The following PTPN13 variants were observed in gnomAD, a reference collection of about 807,000 sequenced individuals.
PTPN13 encodes the protein tyrosine-protein phosphatase non-receptor type 13.
In PTPN13, 191 loss-of-function variants were observed where a neutral mutation model predicts 284.0. The observed-to-expected ratio is 0.67, with a 90% CI of 0.60 to 0.76. The LOEUF is 0.76. Among genes scored for constraint, PTPN13 ranks in the 30% least tolerant of loss-of-function variants. PTPN13 has a pLI of 0.00. For missense variants in PTPN13, 2,797 were observed against 2,939.9 expected (o/e 0.95, Z 1.12); for synonymous variants, 986 against 1,022.3 (o/e 0.96, Z 0.68).
intron 15 of PTPN13, among the ~76,000 whole-genome samples, chr4:86,741,104 C>T (rs1020579620): frequency 1.3e-5 from 2 of 152,160 alleles, no homozygotes; most frequent in African/African-American, 4.8e-5. Flanking sequence ...CCACATTTTC[C>T]TGTCTTCTTC....
At chr4:86,609,672 A>C (rs1297493351) in intron 1 of PTPN13, among the ~76,000 whole-genome samples, 1 of 152,160 alleles carries the variant, frequency 6.6e-6, no homozygotes, top group East Asian at 1.9e-4. Flanking sequence ...TTACCTCATT[A>C]GTCAAACATG....
At chr4:86,764,775 G>A in intron 25 of PTPN13, 51 bp downstream of exon 25, 1 of 1,551,120 alleles carries the variant, frequency 6.4e-7, no homozygotes, top group Non-Finnish European at 8.6e-7. Flanking sequence ...ATTTCCAGCA[G>A]CCTATTGTAT....
intron 6 of PTPN13, among the ~76,000 whole-genome samples, chr4:86,697,095 G>GA (rs1011959515): frequency 6.0e-5 from 9 of 150,936 alleles, no homozygotes; most frequent in Non-Finnish European, 7.4e-5. Flanking sequence ...GTTTAAGATT[G>GA]AAAAAAAAAT....
chr4:86,771,888 A>G lies in PTPN13; in HGVS notation c.5168+353A>G, dbSNP rs76323697. On this transcript the variant is annotated intron_variant, in intron 31 of 47. Transcript: ENST00000411767. Reference sequence around the variant, plus strand: ...TAGGGACCAGAAATATAGAGGGGAGATAAGGGCAGAGAGTTTGCAAAAGGT... The same window carrying G: ...TAGGGACCAGAAATATAGAGGGGAGGTAAGGGCAGAGAGTTTGCAAAAGGT... Among the ~76,000 whole-genome samples the G allele has an allele frequency of 1.7e-3, 256 of 152,336 alleles. 4 individuals are homozygous for G. The East Asian group carries it at 0.025, about 15-fold the overall frequency.
chr4:86,705,720 T>G (rs528359364), intron 7 of PTPN13, among the ~76,000 whole-genome samples: 1 of 152,198 alleles, frequency 6.6e-6, no homozygotes, highest in South Asian at 2.1e-4. Flanking sequence ...ATAACATACC[T>G]AAGATCACAT....
chr4:86,745,865 G>A (rs1428263232), intron 17 of PTPN13, among the ~76,000 whole-genome samples: 1 of 152,148 alleles, frequency 6.6e-6, no homozygotes, highest in African/African-American at 2.4e-5. Flanking sequence ...AGAGACTAGA[G>A]TACTGGACAG....
intron 6 of PTPN13, among the ~76,000 whole-genome samples, chr4:86,697,696 C>T (rs1413130922): frequency 6.6e-6 from 1 of 152,124 alleles, no homozygotes; most frequent in Non-Finnish European, 1.5e-5. Context: ...TTTTGAAACG[C>T]ACTTGGACAC....
intron 7 of PTPN13, among the ~76,000 whole-genome samples, chr4:86,710,659 T>G (rs1292414888): frequency 6.6e-6 from 1 of 152,178 alleles, no homozygotes; most frequent in Non-Finnish European, 1.5e-5. Flanking sequence ...GTCAAGAACT[T>G]ATGGCAAAAC....
chr4:86,607,931 T>G (rs1171958227), intron 1 of PTPN13, among the ~76,000 whole-genome samples: 1 of 152,050 alleles, frequency 6.6e-6, no homozygotes, highest in Non-Finnish European at 1.5e-5. Context: ...TAACAATGTT[T>G]AGATGCTCAT....
At chr4:86,621,133 G>A (rs1484129843) in intron 1 of PTPN13, among the ~76,000 whole-genome samples, 3 of 151,716 alleles carry the variant, frequency 2.0e-5, no homozygotes, top group Admixed American at 6.6e-5. Context: ...CACAAAGCCT[G>A]GGCTGGGGTA....
intron 17 of PTPN13, among the ~76,000 whole-genome samples, chr4:86,748,486 C>A (rs977733337): frequency 1.3e-5 from 2 of 152,104 alleles, no homozygotes; most frequent in Admixed American, 1.3e-4. Flanking sequence ...CTTATTCCTG[C>A]CAAAGTTTGG....
chr4:86,717,168 T>C (rs1254070098), intron 9 of PTPN13, 51 bp downstream of exon 9: 1 of 1,331,710 alleles, frequency 7.5e-7, no homozygotes, highest in African/African-American at 1.5e-5. Flanking sequence ...CAGTGTTTGT[T>C]TTTTATTTGA....
chr4:86,686,053 A>AT (rs1729416086), intron 3 of PTPN13, among the ~76,000 whole-genome samples: 1 of 152,212 alleles, frequency 6.6e-6, no homozygotes, highest in Admixed American at 6.5e-5. Context: ...GGAAATACCT[A>AT]TTGATAAGTT....
In PTPN13 at chr4:86,769,907, CA is replaced by C; in HGVS notation, c.4629del (p.Glu1544LysfsTer7). 1 of 1,613,896 alleles carries C rather than the reference CA, an allele frequency of 6.2e-7. No homozygotes were observed. Among genetic ancestry groups the C allele is most frequent in the Non-Finnish European group, 8.5e-7 (1 of 1,179,864 alleles). ...AAGCTCTTTCCTGGACAGCCAGCAG[CA>C]GAAAGTGGAAAAATTGATGTAGGAG... is the stretch of plus-strand genomic sequence containing the variant. ...VKKLFPGQPAAESGKIDVGDV... is the reference protein window; with the variant it reads ...VKKLFPGQPAXESGKIDVGDV... On this transcript the variant is annotated frameshift_variant, in exon 29 of 48. Transcript: ENST00000411767. LOFTEE classifies it high-confidence loss of function.
chr4:86,789,566 C>G (rs1456085299), intron 40 of PTPN13, among the ~76,000 whole-genome samples: 1 of 152,138 alleles, frequency 6.6e-6, no homozygotes, highest in East Asian at 1.9e-4. Context: ...GGTAGTTCGT[C>G]CTAGATCAAG....
chr4:86,679,282 A>G (rs1186427814), intron 3 of PTPN13, among the ~76,000 whole-genome samples: 2 of 152,124 alleles, frequency 1.3e-5, no homozygotes, highest in Admixed American at 6.5e-5. Context: ...CTTATGCTCT[A>G]TTGTTCTCTC....
At chr4:86,799,430 C>G (rs1743737817) in intron 42 of PTPN13, among the ~76,000 whole-genome samples, 1 of 150,736 alleles carries the variant, frequency 6.6e-6, no homozygotes, top group Non-Finnish European at 1.5e-5. Context: ...CTCCGCAGTT[C>G]AAGCAATTCT....
rs1035013613 is a variant in PTPN13 at position 86,734,478 on chromosome 4, T to G, written c.2012+22T>G. 1.5e-5 allele frequency: 22 copies of G among 1,502,264 alleles called. No homozygotes were observed. The African/African-American group carries it at 1.5e-4, about 11-fold the overall frequency. The allele number at this position is 1,502,264 out of a possible 1,614,324, so 93.1% of individuals were successfully genotyped here. A position where few individuals can be genotyped will look rare whatever the true frequency, so the allele number is the denominator to read the frequency against. On this transcript the variant is annotated intron_variant, in intron 13 of 47. Coordinates refer to ENST00000411767, the MANE Select transcript of PTPN13 (RefSeq NM_080683.3). ...TACAGTGAGTACACAAGAGTTTCTC[T>G]TTTGCTCTTTTTGGACACTGGTCTT...
chr4:86,789,922 G>A (rs1742425731), intron 40 of PTPN13, among the ~76,000 whole-genome samples: 1 of 151,604 alleles, frequency 6.6e-6, no homozygotes, highest in Non-Finnish European at 1.5e-5. Context: ...GTGTGGAAGG[G>A]GACCCAAGCA....
Sources: allele counts gnomAD v4.1 joint callset (sites outside exome capture counted in the v4.1 genomes callset), GRCh38; gene constraint gnomAD v4.1.1; transcripts MANE v1.5; gene names NCBI Gene and HGNC (gene_info 2026-07-23, HGNC 2026-07-21).